The following SCGB2B2 variants were observed in gnomAD, a reference collection of about 807,000 sequenced individuals.
The protein encoded by SCGB2B2 is secretoglobin-like protein.
SCGB2B2 carries 11 observed loss-of-function variants against 7.6 expected under a neutral mutation model. That is an observed-to-expected ratio of 1.45 (90% CI 0.91 to 2.40). The LOEUF (loss-of-function observed/expected upper bound fraction) is 2.40, where lower values mean the gene tolerates loss of function less well. SCGB2B2 is among the 30% of genes most tolerant of loss of function. The probability of loss-of-function intolerance (pLI) is 0.00; values close to 1 mark genes in which losing one functional copy is unlikely to be tolerated. For missense variants in SCGB2B2, 104 were observed against 115.4 expected, an observed-to-expected ratio of 0.90 and a Z score of 0.45; for synonymous variants, 50 against 48.6, an observed-to-expected ratio of 1.03 and a Z score of -0.12.
At chr19:34,628,331 G>A (rs2066434706) in intron 1 of SCGB2B2, among the ~76,000 whole-genome samples, 1 of 148,250 alleles carries the variant, frequency 6.7e-6, no homozygotes, top group Non-Finnish European at 1.5e-5. Context: ...ATGAATCCAG[G>A]AACTGTTTTT....
intron 1 of SCGB2B2, chr19:34,635,043 C>T (rs2066638618): frequency 3.4e-6 from 1 of 297,750 alleles, no homozygotes; most frequent in Non-Finnish European, 7.0e-6. Flanking sequence ...TTCTCCAATG[C>T]CGAGCAAGTG....
intron 1 of SCGB2B2, among the ~76,000 whole-genome samples, chr19:34,663,491 C>T (rs1037288054): frequency 1.3e-4 from 20 of 152,112 alleles, no homozygotes; most frequent in African/African-American, 4.8e-4. Context: ...TTATAAAAAG[C>T]CAAAATTAAT....
intron 1 of SCGB2B2, among the ~76,000 whole-genome samples, chr19:34,608,332 T>C (rs893808564): frequency 4.0e-5 from 6 of 151,884 alleles, no homozygotes; most frequent in African/African-American, 1.5e-4. Flanking sequence ...ACTAGACTTA[T>C]CAGTAATTTA....
At chr19:34,633,303 A>G (rs2145959660) in intron 1 of SCGB2B2, among the ~76,000 whole-genome samples, 1 of 152,364 alleles carries the variant, frequency 6.6e-6, no homozygotes, top group South Asian at 2.1e-4. Context: ...AGGTATTAAC[A>G]TATAAGAAAG....
chr19:34,645,826 G>C (rs556254125), intron 1 of SCGB2B2: 60 of 236,650 alleles, frequency 2.5e-4, no homozygotes, highest in African/African-American at 1.3e-3. Flanking sequence ...ACATTTGCCA[G>C]GGGAGGTTTC....
rs2067956630 is a variant in SCGB2B2 at position 34,676,571 on chromosome 19, T to G, written c.-2973A>C. The G allele has an allele frequency of 6.6e-6, 1 of 152,174 alleles. No individual in the cohort carries two copies. The highest frequency in any genetic ancestry group is 2.1e-4 in the South Asian group (1 of 4,828). 9.4% of individuals were successfully genotyped at this position (152,174 alleles called of 1,614,324 possible). A position where few individuals can be genotyped will look rare whatever the true frequency, so the allele number is the denominator to read the frequency against. ...TAACAATGGAGTACCCATTGTTTCT[T>G]TACTTTCTTAATACACTTGCTTTGG... On this transcript the variant is annotated 5_prime_UTR_variant, in exon 1 of 4. Transcript: ENST00000601241.
At chr19:34,649,997 A>G (rs1568440451) in intron 1 of SCGB2B2, among the ~76,000 whole-genome samples, 2 of 151,084 alleles carry the variant, frequency 1.3e-5, no homozygotes, top group Admixed American at 1.3e-4. Flanking sequence ...CTCCACTCCT[A>G]AGTCATCCCC....
downstream of SCGB2B2, among the ~76,000 whole-genome samples, chr19:34,588,378 C>T (rs1030875693): frequency 2.0e-5 from 3 of 152,148 alleles, no homozygotes; most frequent in Non-Finnish European, 2.9e-5. Context: ...TAGCTGAGGC[C>T]CACTTCCTTC....
At chr19:34,596,913 C>T (rs1390155181) in intron 1 of SCGB2B2, among the ~76,000 whole-genome samples, 2 of 152,058 alleles carry the variant, frequency 1.3e-5, no homozygotes, top group African/African-American at 4.8e-5. Flanking sequence ...CCGTCTCAAC[C>T]CCCACAGCTG....
intron 1 of SCGB2B2, among the ~76,000 whole-genome samples, chr19:34,618,888 G>A (rs1481038292): frequency 1.3e-5 from 2 of 152,170 alleles, no homozygotes; most frequent in Non-Finnish European, 2.9e-5. Flanking sequence ...AGGGGACCTG[G>A]CCTAAGCCTT....
intron 1 of SCGB2B2, among the ~76,000 whole-genome samples, chr19:34,625,405 CG>C (rs1193649522): frequency 6.6e-6 from 1 of 152,180 alleles, no homozygotes; most frequent in Non-Finnish European, 1.5e-5. Context: ...CATGGAAAAT[CG>C]GGTCACTCCC....
At chr19:34,669,714 T>TACACACACACAC (rs1555750462) in intron 1 of SCGB2B2, among the ~76,000 whole-genome samples, 3,985 of 139,576 alleles carry the variant, frequency 0.029, 134 homozygotes, top group Non-Finnish European at 0.044. Flanking sequence ...TGCCCCCACT[T>TACACACACACAC]ACACACACAC....
intron 1 of SCGB2B2, among the ~76,000 whole-genome samples, chr19:34,673,388 G>A (rs544985073): frequency 1.2e-4 from 19 of 152,244 alleles, no homozygotes; most frequent in African/African-American, 4.3e-4. Flanking sequence ...GCAAGTCAGG[G>A]TGTCACTGGA....
intron 1 of SCGB2B2, among the ~76,000 whole-genome samples, chr19:34,652,997 T>C (rs950026137): frequency 6.6e-6 from 1 of 151,280 alleles, no homozygotes; most frequent in Non-Finnish European, 1.5e-5. Context: ...AAATGTGGTA[T>C]ACATACACAA....
intron 1 of SCGB2B2, among the ~76,000 whole-genome samples, chr19:34,617,746 A>G (rs917619805): frequency 1.3e-5 from 2 of 152,148 alleles, no homozygotes; most frequent in African/African-American, 4.8e-5. Context: ...GTGAGAGAGG[A>G]CATCCCTGTC....
At chr19:34,654,297 A>G (rs542591080) in intron 1 of SCGB2B2, among the ~76,000 whole-genome samples, 1 of 151,396 alleles carries the variant, frequency 6.6e-6, no homozygotes, top group South Asian at 2.1e-4. Context: ...TAATACTTTA[A>G]ATGATACTAT....
At chr19:34,646,767 CATCAACAAACA>C (rs1430148123) in intron 1 of SCGB2B2, 2 of 152,908 alleles carry the variant, frequency 1.3e-5, no homozygotes, top group Admixed American at 6.5e-5. Context: ...TGACTCTATC[CATCAACAAACA>C]ATCCCCAGTA....
chr19:34,607,014 C>T (rs2065800156), intron 1 of SCGB2B2, among the ~76,000 whole-genome samples: 1 of 152,186 alleles, frequency 6.6e-6, no homozygotes, highest in Non-Finnish European at 1.5e-5. Context: ...AAACTCTGTA[C>T]CCTTTGACCA....
chr19:34,663,677 G>A (rs1408988182), intron 1 of SCGB2B2, among the ~76,000 whole-genome samples: 10 of 152,106 alleles, frequency 6.6e-5, no homozygotes, highest in Admixed American at 6.5e-4. Context: ...CATCACTTAA[G>A]ATACAGTTTA....
Sources: allele counts gnomAD v4.1 joint callset (sites outside exome capture counted in the v4.1 genomes callset), GRCh38; gene constraint gnomAD v4.1.1; transcripts MANE v1.5; gene names NCBI Gene and HGNC (gene_info 2026-07-23, HGNC 2026-07-21).